The following NUP93 variants were observed in gnomAD, a reference collection of about 807,000 sequenced individuals.
NUP93 encodes the protein nuclear pore complex protein Nup93.
A neutral mutation model predicts 107.8 loss-of-function variants in NUP93; 55 were observed. The observed-to-expected ratio is 0.51, with a 90% CI of 0.41 to 0.64. The LOEUF (loss-of-function observed/expected upper bound fraction) is 0.64. NUP93 is among the 30% of genes least tolerant of loss of function. NUP93 has a pLI of 0.00. For missense variants in NUP93, 937 were observed against 1,044.7 expected (o/e 0.90, Z 1.42); for synonymous variants, 390 against 397.5 (o/e 0.98, Z 0.22).
At chr16:56,812,677 A>G (rs1963342086) in intron 5 of NUP93, among the ~76,000 whole-genome samples, 1 of 152,172 alleles carries the variant, frequency 6.6e-6, no homozygotes, top group Non-Finnish European at 1.5e-5. Context: ...ATGATGCTTC[A>G]GTAGCATAGA....
At chr16:56,818,427 G>T (rs536698044) in intron 5 of NUP93, among the ~76,000 whole-genome samples, 3 of 152,284 alleles carry the variant, frequency 2.0e-5, no homozygotes, top group African/African-American at 7.2e-5. Flanking sequence ...TAGGGTTTAT[G>T]CAGCCCCTCA....
At chr16:56,810,922 A>G (rs957549544) in intron 5 of NUP93, among the ~76,000 whole-genome samples, 21 of 152,194 alleles carry the variant, frequency 1.4e-4, no homozygotes, top group African/African-American at 4.6e-4. Flanking sequence ...TGTTGTTTCT[A>G]GCTGCTTTTA....
At position 56,764,845 on chromosome 16, in the gene NUP93, T is replaced by C. The variant is rs578160936; in HGVS notation, c.297+6190T>C. ...CAGTCAAGGGAAAGTACAGTCTGAA[T>C]GGGTAAACAGTATCTTAATTCTAAG... On this transcript the variant is annotated intron_variant, in intron 3 of 21. Coordinates refer to ENST00000308159, the MANE Select transcript of NUP93 (RefSeq NM_014669.5). 2.2e-4 allele frequency among the ~76,000 whole-genome samples: 33 copies of C among 152,362 alleles called. 1 individual carries two copies. Among genetic ancestry groups the C allele is most frequent in the African/African-American group, 7.5e-4 (31 of 41,584 alleles).
intron 3 of NUP93, among the ~76,000 whole-genome samples, chr16:56,760,583 C>T (rs1449596449): frequency 1.3e-5 from 2 of 151,934 alleles, no homozygotes; most frequent in African/African-American, 2.4e-5. Flanking sequence ...GGGGCAGGGG[C>T]GGGTGCCACT....
At chr16:56,817,688 A>G (rs369100756) in intron 5 of NUP93, among the ~76,000 whole-genome samples, 1 of 152,196 alleles carries the variant, frequency 6.6e-6, no homozygotes, top group Non-Finnish European at 1.5e-5. Flanking sequence ...CATACATTGC[A>G]TATGTGATGG....
intron 3 of NUP93, among the ~76,000 whole-genome samples, chr16:56,763,665 C>T (rs1261219740): frequency 1.3e-5 from 2 of 152,168 alleles, no homozygotes; most frequent in African/African-American, 4.8e-5. Flanking sequence ...GATATCACCT[C>T]TTCCACAGTC....
chr16:56,754,930 A>G (rs909362879), intron 2 of NUP93, among the ~76,000 whole-genome samples: 4 of 152,160 alleles, frequency 2.6e-5, no homozygotes, highest in African/African-American at 9.7e-5. Context: ...ATCTTTTTCT[A>G]TAATAGCTTT....
chr16:56,839,458 A>G, intron 19 of NUP93, 63 bp from the exon 20 acceptor site: 1 of 1,353,900 alleles, frequency 7.4e-7, no homozygotes, highest in Non-Finnish European at 1.0e-6. Context: ...CTGACTTTAC[A>G]TGTAGAGAGA....
intron 4 of NUP93, among the ~76,000 whole-genome samples, chr16:56,804,674 C>T (rs946256284): frequency 2.0e-5 from 3 of 152,142 alleles, no homozygotes; most frequent in South Asian, 2.1e-4. Context: ...TTTGGGAGGC[C>T]GAGGTGGGCA....
At chr16:56,741,064 A>T (rs1013725814) in intron 1 of NUP93, among the ~76,000 whole-genome samples, 1 of 151,870 alleles carries the variant, frequency 6.6e-6, no homozygotes, top group Admixed American at 6.5e-5. Flanking sequence ...TCACACCTTC[A>T]TTATGGAAAT....
intron 2 of NUP93, among the ~76,000 whole-genome samples, chr16:56,751,286 G>A (rs531457264): frequency 6.6e-6 from 1 of 152,258 alleles, no homozygotes; most frequent in South Asian, 2.1e-4. Context: ...TTCATGCAAA[G>A]CATATGTAAA....
At chr16:56,832,251 G>A (rs765612929) in intron 11 of NUP93, 44 bp from the exon 12 acceptor site, 1 of 1,505,616 alleles carries the variant, frequency 6.6e-7, no homozygotes, top group Non-Finnish European at 9.3e-7. Context: ...ATGTGGCTCA[G>A]GGTGTCATTT....
chr16:56,836,228 T>A (rs1384192733), intron 16 of NUP93, among the ~76,000 whole-genome samples: 2 of 152,174 alleles, frequency 1.3e-5, no homozygotes, highest in African/African-American at 4.8e-5. Flanking sequence ...TCCAAAATTT[T>A]TCAGATATTT....
chr16:56,808,584 T>A lies in NUP93; in HGVS notation c.489+2952T>A, dbSNP rs567873751. Among the ~76,000 whole-genome samples, 84 of 122,746 alleles carry A rather than the reference T, an allele frequency of 6.8e-4. 3 individuals carry two copies. The highest frequency in any genetic ancestry group is 2.1e-3 in the African/African-American group (62 of 30,022). The allele number at this position is 122,746 out of a possible 152,430, so 80.5% of individuals were successfully genotyped here. The stretch of plus-strand genomic sequence containing the variant: ...TATATAAATACATTTATATAAATAT[T>A]TATAAATATATAAATACATTTATAT... On this transcript the variant is annotated intron_variant, in intron 5 of 21. Transcript: ENST00000308159.
At chr16:56,746,500 G>A (rs775767354) in intron 1 of NUP93, among the ~76,000 whole-genome samples, 2 of 152,196 alleles carry the variant, frequency 1.3e-5, no homozygotes, top group Non-Finnish European at 2.9e-5. Context: ...AATTTTTGTT[G>A]AAGATTAAAG....
chr16:56,743,690 G>A (rs1961774338), intron 1 of NUP93, among the ~76,000 whole-genome samples: 1 of 152,114 alleles, frequency 6.6e-6, no homozygotes, highest in African/African-American at 2.4e-5. Flanking sequence ...ATCAACCAAC[G>A]GTTAGATCAA....
intron 21 of NUP93, 82 bp from the exon 22 acceptor site, chr16:56,844,417 G>C: frequency 1.3e-6 from 1 of 773,494 alleles, no homozygotes; most frequent in Non-Finnish European, 1.9e-6. Flanking sequence ...GAAGAACATG[G>C]AATAGAGGAT....
intron 5 of NUP93, among the ~76,000 whole-genome samples, chr16:56,813,331 TG>T (rs1449846065): frequency 1.3e-5 from 2 of 152,230 alleles, no homozygotes; most frequent in African/African-American, 4.8e-5. Context: ...TACATAACAG[TG>T]TTTTACAATA....
intron 3 of NUP93, among the ~76,000 whole-genome samples, chr16:56,795,449 G>A (rs1318033770): frequency 6.6e-6 from 1 of 152,084 alleles, no homozygotes; most frequent in Non-Finnish European, 1.5e-5. Context: ...GTGGTGACAA[G>A]CTGCCCCCTT....
Sources: gnomAD v4.1 joint callset for allele counts (sites outside exome capture counted in the v4.1 genomes callset) on GRCh38, gnomAD v4.1.1 for gene constraint, MANE v1.5 for transcripts, NCBI Gene and HGNC (gene_info 2026-07-23, HGNC 2026-07-21) for gene names.